MDN1: variants seen among roughly 807,000 people sequenced by gnomAD.
The protein encoded by MDN1 is midasin AAA ATPase 1.
Under a neutral mutation model 669.2 loss-of-function variants are expected in MDN1, and 266 were observed. That is an observed-to-expected ratio of 0.40 (90% CI 0.36 to 0.44). The LOEUF is 0.44. Among genes scored for constraint, MDN1 ranks in the 20% least tolerant of loss-of-function variants. MDN1 has a pLI of 1.00. For missense variants in MDN1, 5,940 were observed against 6,754.0 expected (o/e 0.88, Z 4.22); for synonymous variants, 2,385 against 2,457.1 (o/e 0.97, Z 0.87).
Position 89,672,343 on chromosome 6 carries a change from A to G in MDN1, c.13651T>C (p.Ser4551Pro). 6.2e-7 allele frequency: 1 copy of G among 1,612,704 alleles called. No individual in the cohort carries two copies. Among genetic ancestry groups the G allele is most frequent in the Non-Finnish European group, 8.5e-7 (1 of 1,179,720 alleles). ...EDYAGFERLQ[S>P]GHLTKLLEDD... is the part of the protein sequence containing the mutation. ...TCTAAGAGTTTTGTTAGATGTCCTG[A>G]TTGCAGTCTCTCAAAGCCTGCTGCC... The change falls in exon 82 of 102, where the codon TCA becomes CCA. Residue 4551 changes from serine (S) to proline (P), a missense_variant. By Grantham distance (74) the Ser-to-Pro change is moderately conservative (BLOSUM62 -1). Around this residue, in one of 5 missense-constraint regions of MDN1, gnomAD observed 2,280 missense variants for 2,576.3 expected, o/e 0.88. Coordinates refer to ENST00000369393, the MANE Select transcript of MDN1 (RefSeq NM_014611.3).
intron 54 of MDN1, 79 bp from the exon 55 acceptor site, chr6:89,701,757 C>CT: frequency 6.6e-7 from 1 of 1,512,500 alleles, no homozygotes. Context: ...TTAATATTTT[C>CT]TTTCTTTCTT....
rs763887693 is a variant in MDN1, at chr6:89,749,649, T to A, written c.3509A>T (p.Asp1170Val). The A allele has an allele frequency of 1.9e-6, 3 of 1,614,158 alleles. No homozygotes were observed. Among genetic ancestry groups the A allele is most frequent in the Non-Finnish European group, 2.5e-6 (3 of 1,180,022 alleles). ...VLEALNRLLD[D>V]NRELLVTETQ... The stretch of plus-strand genomic sequence containing the variant: ...TTCTGTTACTAGCAATTCACGGTTA[T>A]CATCCAACAGCCTATTCAGCGCCTC... Residue 1170 changes from aspartate to valine, a missense_variant, in exon 25 of 102, where the codon GAT (aspartate) becomes GTT (valine). Asp to Val is a radical substitution (Grantham distance 152). Transcript: ENST00000369393.
rs973537664 is a variant in MDN1 at position 89,719,279 on chromosome 6, G to A, written c.5968-54C>T. 4 of 1,449,530 alleles carry A rather than the reference G, an allele frequency of 2.8e-6. No individual in the cohort carries two copies. In the African/African-American group the frequency reaches 5.6e-5, roughly 20 times the overall value. The allele number at this position is 1,449,530 out of a possible 1,614,324, so 89.8% of individuals were successfully genotyped here. ...CACAAATCACTCCACCTAATTCTTA[G>A]GCAAACTTTCTAGAAAACAAGCACA... On this transcript the variant is annotated intron_variant, in intron 40 of 101. Coordinates refer to ENST00000369393, the MANE Select transcript of MDN1 (RefSeq NM_014611.3).
chr6:89,754,017 C>T lies in MDN1; in HGVS notation c.2964+66G>A, dbSNP rs967098756. 19 of 1,539,540 alleles carry T rather than the reference C, an allele frequency of 1.2e-5. No homozygotes were observed. The South Asian group carries it at 1.4e-4, about 11-fold the overall frequency. On this transcript the variant is annotated intron_variant, in intron 21 of 101. Coordinates refer to ENST00000369393, the MANE Select transcript of MDN1 (RefSeq NM_014611.3). Reference sequence around the variant, plus strand: ...CACAGGCAACCTGGCATATGCATCCCTATTCCTTCCTTCCCATGAACCCAT... The same window carrying T: ...CACAGGCAACCTGGCATATGCATCCTTATTCCTTCCTTCCCATGAACCCAT...
intron 84 of MDN1, among the ~76,000 whole-genome samples, chr6:89,665,497 A>G (rs2128302249): frequency 6.9e-6 from 1 of 144,302 alleles, no homozygotes; most frequent in East Asian, 2.2e-4. Context: ...TCACGCAGTC[A>G]GGAGTTTGAG....
rs755763378 is a variant in MDN1, at chr6:89,699,708, G to A, written c.8890C>T (p.Pro2964Ser). ...CLRRCSKNQQ[P>S]QINEEISHLI... Reference sequence around the variant, plus strand: ...TGACTTATCTCCTCATTTATCTGGGGTTGTTGATTTTTGCTGCATCTGTTC... The same window carrying A: ...TGACTTATCTCCTCATTTATCTGGGATTGTTGATTTTTGCTGCATCTGTTC... Residue 2964 changes from proline (P) to serine (S), a missense_variant, in exon 58 of 102, where the codon CCC becomes TCC. Pro to Ser is a moderately conservative substitution (Grantham distance 74). Around this residue, in one of 5 missense-constraint regions of MDN1, gnomAD observed 2,292 missense variants for 2,638.3 expected, o/e 0.87. Coordinates refer to ENST00000369393, the MANE Select transcript of MDN1 (RefSeq NM_014611.3). 5 of 1,613,932 alleles carry A rather than the reference G, an allele frequency of 3.1e-6. No individual in the cohort carries two copies. Among genetic ancestry groups the A allele is most frequent in the Non-Finnish European group, 3.4e-6 (4 of 1,179,932 alleles).
intron 40 of MDN1, among the ~76,000 whole-genome samples, chr6:89,722,522 GTTCTT>G (rs1814900860): frequency 6.6e-6 from 1 of 152,292 alleles, no homozygotes; most frequent in Admixed American, 6.5e-5. Context: ...CGTTTAGTCT[GTTCTT>G]TTAACTTTTA....
chr6:89,747,511 C>A, intron 26 of MDN1, 41 bp from the exon 27 acceptor site: 1 of 1,588,592 alleles, frequency 6.3e-7, no homozygotes, highest in Non-Finnish European at 8.6e-7. Flanking sequence ...GCATCAGCTG[C>A]AATGCATGGT....
rs763038013 is a variant in MDN1, at chr6:89,692,882, C to T, written c.10148G>A (p.Arg3383Gln). 8.7e-6 allele frequency: 14 copies of T among 1,614,206 alleles called. No individual in the cohort carries two copies. The highest frequency in any genetic ancestry group is 4.4e-5 in the South Asian group (4 of 91,086). ...ASWQQSHHQF[R>Q]KRLSEEYTFY... The stretch of plus-strand genomic sequence containing the variant: ...GGTGTACTCCTCTGACAGCCGCTTC[C>T]GGAACTGGTGGTGTGACTGCTGCCA... The change falls in exon 63 of 102, where the codon CGG becomes CAG. Residue 3383 changes from arginine to glutamine, a missense_variant. Transcript: ENST00000369393.
intron 1 of MDN1, among the ~76,000 whole-genome samples, chr6:89,813,521 A>C (rs1768591402): frequency 6.7e-6 from 1 of 149,522 alleles, no homozygotes; most frequent in Non-Finnish European, 1.5e-5. Context: ...ATTGCACTCC[A>C]GCCTGGGTGA....
intron 8 of MDN1, among the ~76,000 whole-genome samples, chr6:89,786,836 A>G (rs1818986968): frequency 6.6e-6 from 1 of 150,454 alleles, no homozygotes; most frequent in Non-Finnish European, 1.5e-5. Flanking sequence ...GAGGTAGGAG[A>G]ATCGCTTGAA....
chr6:89,650,689 T>A, intron 96 of MDN1, 43 bp downstream of exon 96: 1 of 1,458,790 alleles, frequency 6.9e-7, no homozygotes, highest in Non-Finnish European at 9.5e-7. Context: ...GAAGCTGCCG[T>A]CTTCTCAGGG....
At chr6:89,722,886 G>T in intron 40 of MDN1, 69 bp downstream of exon 40, 240 of 1,308,638 alleles carry the variant, frequency 1.8e-4, no homozygotes, top group Middle Eastern at 4.0e-4. Flanking sequence ...ATTAGTGTAT[G>T]TCCTTTCTCA....
intron 26 of MDN1, among the ~76,000 whole-genome samples, 189 bp downstream of exon 26, chr6:89,749,034 A>G (rs1816817902): frequency 6.6e-6 from 1 of 152,150 alleles, no homozygotes; most frequent in African/African-American, 2.4e-5. Flanking sequence ...ACTACACTCC[A>G]GCCAGGAGAG....
chr6:89,745,550 G>T lies in MDN1; in HGVS notation c.3981C>A (p.Phe1327Leu). ...DVIQEVLEKHFKKKLCPQSLF... is the reference protein window; with the variant it reads ...DVIQEVLEKHLKKKLCPQSLF... Reference sequence around the variant, plus strand: ...GAGATTGAGGACACAATTTTTTCTTGAAATGTTTCTCAAGGACTTCTTGAA... The same window carrying T: ...GAGATTGAGGACACAATTTTTTCTTTAAATGTTTCTCAAGGACTTCTTGAA... Residue 1327 changes from phenylalanine to leucine, a missense_variant, in exon 28 of 102, where the codon TTC becomes TTA. Phe to Leu is a conservative substitution (Grantham distance 22). This residue lies in a region of MDN1 where 2,292 missense variants were observed against 2,638.3 expected (regional missense o/e 0.87). Coordinates refer to ENST00000369393, the MANE Select transcript of MDN1 (RefSeq NM_014611.3). 1 of 1,613,988 alleles carries T rather than the reference G, an allele frequency of 6.2e-7. No homozygotes were observed. Among genetic ancestry groups the T allele is most frequent in the South Asian group, 1.1e-5 (1 of 91,048 alleles).
intron 5 of MDN1, 125 bp from the exon 6 acceptor site, chr6:89,790,526 A>C (rs781281235): frequency 1.8e-6 from 2 of 1,134,660 alleles, no homozygotes; most frequent in Non-Finnish European, 2.6e-6. Context: ...TAGTACCAAA[A>C]CTATAATAAC....
chr6:89,758,544 GTTAT>G (rs1817372836), intron 18 of MDN1, among the ~76,000 whole-genome samples, 193 bp from the exon 19 acceptor site: 2 of 152,060 alleles, frequency 1.3e-5, no homozygotes, highest in African/African-American at 4.8e-5. Context: ...TTTATTCACT[GTTAT>G]TTATCTTTTA....
intron 2 of MDN1, among the ~76,000 whole-genome samples, chr6:89,797,030 T>TG (rs1385434532): frequency 1.3e-5 from 2 of 150,100 alleles, no homozygotes; most frequent in Admixed American, 1.3e-4. Context: ...ACAGCACCAT[T>TG]GCACTCCAGC....
In MDN1 at chr6:89,658,249, T is replaced by A. The variant is rs1307344642; in HGVS notation, c.15143A>T (p.Glu5048Val). The change falls in exon 90 of 102, where the codon GAG becomes GTG. Residue 5048 changes from glutamate to valine, a missense_variant. Around this residue, in one of 5 missense-constraint regions of MDN1, gnomAD observed 2,280 missense variants for 2,576.3 expected, o/e 0.88. Transcript: ENST00000369393. ...CTTCTCAGGTGCGGCCCCAGCCAGC[T>A]CCATGGCCTGTGTGTTCTGCATGTT... Reference protein sequence around the residue: ...VENMQNTQAMELAGAAPEKEQ... With the variant: ...VENMQNTQAMVLAGAAPEKEQ... The A allele has an allele frequency of 6.2e-7, 1 of 1,614,060 alleles. No individual in the cohort carries two copies. Among genetic ancestry groups the A allele is most frequent in the Non-Finnish European group, 8.5e-7 (1 of 1,180,044 alleles).
Sources: gnomAD v4.1 joint callset for allele counts (sites outside exome capture counted in the v4.1 genomes callset) on GRCh38, gnomAD v4.1.1 for gene constraint, gnomAD v4.1.1 regional missense constraint, MANE v1.5 for transcripts, NCBI Gene and HGNC (gene_info 2026-07-23, HGNC 2026-07-21) for gene names.